Variants in PKHD1 observed in about 807,000 individuals in gnomAD.
PKHD1 encodes the protein PKHD1 ciliary IPT domain containing fibrocystin/polyductin, also known as fibrocystin.
Under a neutral mutation model 412.0 loss-of-function variants are expected in PKHD1, and 291 were observed. The observed-to-expected ratio is 0.71, with a 90% CI of 0.64 to 0.78. PKHD1 has a LOEUF of 0.78. PKHD1 is among the 30% of genes least tolerant of loss of function. The pLI, the probability that PKHD1 is intolerant of heterozygous loss-of-function variation, is 0.00. For synonymous variants in PKHD1, 1,777 were observed against 1,821.5 expected (o/e 0.98, Z 0.62); for missense variants, 4,825 against 4,950.7 (o/e 0.97, Z 0.76).
chr6:51,638,336 C>T (rs1000022496), intron 64 of PKHD1, among the ~76,000 whole-genome samples: 6 of 152,064 alleles, frequency 3.9e-5, no homozygotes, highest in Non-Finnish European at 8.8e-5. Flanking sequence ...TCATGAGAGT[C>T]ACATTTAATA....
rs371211439 is a variant in PKHD1, at chr6:52,037,534, CA to C, written c.3098-1814del. ...AGAAAAAATGGGCTAAGGAGATAAA[CA>C]GACATTTCACTGAAAAGGAAACACA... On this transcript the variant is annotated intron_variant, in intron 27 of 66. Coordinates refer to ENST00000371117, the MANE Select transcript of PKHD1 (RefSeq NM_138694.4). Among the ~76,000 whole-genome samples the C allele has an allele frequency of 3.0e-4, 45 of 152,160 alleles. 1 individual carries two copies. The highest frequency in any genetic ancestry group is 1.5e-3 in the South Asian group (7 of 4,826).
At chr6:51,681,583 A>C (rs746937627) in intron 60 of PKHD1, among the ~76,000 whole-genome samples, 8 of 152,028 alleles carry the variant, frequency 5.3e-5, no homozygotes, top group Non-Finnish European at 1.2e-4. Flanking sequence ...GAATACATAT[A>C]AGCCTAGCCT....
intron 43 of PKHD1, among the ~76,000 whole-genome samples, chr6:51,889,752 T>A (rs935056280): frequency 6.6e-6 from 1 of 152,104 alleles, no homozygotes; most frequent in African/African-American, 2.4e-5. Context: ...CTACAGGTGA[T>A]TGAGAGAGTA....
intron 22 of PKHD1, 132 bp from the exon 23 acceptor site, chr6:52,048,751 A>C (rs1487753901): frequency 1.0e-6 from 1 of 987,258 alleles, no homozygotes; most frequent in Non-Finnish European, 1.6e-6. Context: ...GAGGAAACTC[A>C]GTAAGGGAGT....
chr6:52,010,248 A>G (rs1197849781), intron 35 of PKHD1, 61 bp downstream of exon 35: 3 of 1,464,664 alleles, frequency 2.0e-6, no homozygotes, highest in Non-Finnish European at 2.9e-6. Flanking sequence ...TTTAATGTAC[A>G]CAATATTACA....
At chr6:51,734,452 C>G (rs1783594268) in intron 60 of PKHD1, among the ~76,000 whole-genome samples, 1 of 152,144 alleles carries the variant, frequency 6.6e-6, no homozygotes, top group African/African-American at 2.4e-5. Context: ...CCTCATTCAG[C>G]AAACATTAAC....
chr6:51,853,958 T>C (rs1480222442), intron 49 of PKHD1, among the ~76,000 whole-genome samples: 2 of 152,188 alleles, frequency 1.3e-5, no homozygotes, highest in Non-Finnish European at 2.9e-5. Context: ...TCTGTGCCCT[T>C]GATGGAGAAA....
intron 33 of PKHD1, 135 bp from the exon 34 acceptor site, chr6:52,017,764 G>A (rs1441096600): frequency 1.4e-5 from 10 of 711,144 alleles, no homozygotes; most frequent in Middle Eastern, 7.5e-4. Flanking sequence ...TTTTTAAAAT[G>A]TATTGTATAT....
At chr6:52,029,438 C>T (rs1201763535) in intron 29 of PKHD1, among the ~76,000 whole-genome samples, 4 of 152,014 alleles carry the variant, frequency 2.6e-5, no homozygotes, top group African/African-American at 7.2e-5. Flanking sequence ...GAAGCCTCAA[C>T]GGTAGTAAAA....
At chr6:51,757,946 A>G (rs997541256) in intron 55 of PKHD1, among the ~76,000 whole-genome samples, 1 of 149,640 alleles carries the variant, frequency 6.7e-6, no homozygotes, top group Non-Finnish European at 1.5e-5. Flanking sequence ...CTGAGGTTGA[A>G]ATTGGAGTGA....
rs1048675346 is a variant in PKHD1, at chr6:52,073,534, T to C, written c.456A>G (p.Leu152=). 2.5e-6 allele frequency: 4 copies of C among 1,593,040 alleles called. No individual in the cohort carries two copies. The Admixed American group carries it at 6.7e-5, about 27-fold the overall frequency. The change falls in exon 7 of 67, where the codon CTA becomes CTG. Residue 152 remains leucine (L), a synonymous_variant. Transcript: ENST00000371117. The stretch of plus-strand genomic sequence containing the variant: ...TGATAATCCAGCCATATACATGTAT[T>C]AGTTTTCCTGTTTGAAGAAGAATTT... The part of the protein sequence containing the change: ...VYPPSGVPGK[L]IHVYGWIITG...
chr6:52,062,784 G>A (rs1372493171), intron 13 of PKHD1, 124 bp from the exon 14 acceptor site: 10 of 1,083,564 alleles, frequency 9.2e-6, no homozygotes, highest in Non-Finnish European at 1.4e-5. Flanking sequence ...AGTCAACCTA[G>A]AGCCAGATAG....
At chr6:52,038,139 T>G (rs1225688739) in intron 27 of PKHD1, among the ~76,000 whole-genome samples, 1 of 152,120 alleles carries the variant, frequency 6.6e-6, no homozygotes, top group Non-Finnish European at 1.5e-5. Context: ...CTCAACACTT[T>G]GGGAGGCCGA....
intron 37 of PKHD1, among the ~76,000 whole-genome samples, chr6:51,924,027 G>C (rs1026227299): frequency 6.6e-5 from 10 of 152,222 alleles, no homozygotes; most frequent in African/African-American, 2.2e-4. Context: ...AGAGTTAAAT[G>C]AGAGTAAAGA....
chr6:52,061,556 A>G (rs181703701), intron 14 of PKHD1, among the ~76,000 whole-genome samples: 1 of 151,914 alleles, frequency 6.6e-6, no homozygotes, highest in East Asian at 1.9e-4. Flanking sequence ...CAGATTACCA[A>G]CCCTACTTGG....
At chr6:51,666,551 T>A (rs2784240) in intron 60 of PKHD1, among the ~76,000 whole-genome samples, 76,600 of 151,882 alleles carry the variant, frequency 0.5, 21,843 homozygotes, top group Non-Finnish European at 0.65. Context: ...AATTTTTTTT[T>A]AAATTTATTA....
At chr6:52,042,038 A>C (rs776052568) in intron 27 of PKHD1, among the ~76,000 whole-genome samples, 1 of 152,220 alleles carries the variant, frequency 6.6e-6, no homozygotes, top group Non-Finnish European at 1.5e-5. Context: ...CACTCAAACC[A>C]ATAATTACTG....
At chr6:51,631,573 A>T (rs1020856073) in intron 65 of PKHD1, among the ~76,000 whole-genome samples, 1 of 151,882 alleles carries the variant, frequency 6.6e-6, no homozygotes, top group African/African-American at 2.4e-5. Flanking sequence ...TCCTCTTTTA[A>T]ACTTCACTCT....
At chr6:51,782,054 TG>T (rs1562298204) in intron 53 of PKHD1, among the ~76,000 whole-genome samples, 7 of 140,450 alleles carry the variant, frequency 5.0e-5, no homozygotes, top group Non-Finnish European at 1.1e-4. Flanking sequence ...TAAATTTATA[TG>T]ATTAATTATT....
Sources: allele counts gnomAD v4.1 joint callset (sites outside exome capture counted in the v4.1 genomes callset), GRCh38; gene constraint gnomAD v4.1.1; transcripts MANE v1.5; gene names NCBI Gene and HGNC (gene_info 2026-07-23, HGNC 2026-07-21).